ANKRD55: variants seen among roughly 807,000 people sequenced by gnomAD.
ANKRD55 encodes ankyrin repeat domain-containing protein 55.
A neutral mutation model predicts 60.6 loss-of-function variants in ANKRD55; 41 were observed. The ratio of observed to expected loss-of-function variants is 0.68; its 90% CI spans 0.53 to 0.88. The LOEUF is 0.88. Ranked by LOEUF, ANKRD55 falls within the 40% of genes least tolerant of loss-of-function variation. The pLI, the probability that ANKRD55 is intolerant of heterozygous loss-of-function variation, is 0.00. For missense variants in ANKRD55, 732 were observed against 767.6 expected (o/e 0.95, Z 0.55); for synonymous variants, 264 against 290.3 (o/e 0.91, Z 0.92).
chr5:56,175,948 T>C (rs188492682), intron 4 of ANKRD55, among the ~76,000 whole-genome samples: 1 of 152,260 alleles, frequency 6.6e-6, no homozygotes, highest in Non-Finnish European at 1.5e-5. Flanking sequence ...AGAGGATTGT[T>C]AGGAAGATCC....
At chr5:56,217,043 C>T (rs1214399273) in intron 2 of ANKRD55, among the ~76,000 whole-genome samples, 1 of 152,212 alleles carries the variant, frequency 6.6e-6, no homozygotes. Flanking sequence ...TCAAAGGACT[C>T]TTGTTAGGGG....
intron 5 of ANKRD55, among the ~76,000 whole-genome samples, chr5:56,166,142 C>CTTTCTTTCTTTCTTTCTTTCTTTT: frequency 1.1e-5 from 1 of 93,618 alleles, no homozygotes; most frequent in East Asian, 3.5e-4. Context: ...TTCTTTCTTT[C>CTTTCTTTCTTTCTTTCTTTCTTTT]TTTCTTTCTT....
chr5:56,163,553 C>T (rs942800816), intron 5 of ANKRD55, among the ~76,000 whole-genome samples: 3 of 152,090 alleles, frequency 2.0e-5, no homozygotes, highest in African/African-American at 7.2e-5. Flanking sequence ...AGGCTTGGAC[C>T]CCAGCAAGAG....
chr5:56,109,880 T>C (rs1023020576), intron 10 of ANKRD55, among the ~76,000 whole-genome samples: 1 of 151,984 alleles, frequency 6.6e-6, no homozygotes, highest in Admixed American at 6.6e-5. Flanking sequence ...TAGCTGGGTG[T>C]GGTGGCATAT....
chr5:56,170,186 C>G (rs913966130), intron 5 of ANKRD55, among the ~76,000 whole-genome samples: 1 of 152,180 alleles, frequency 6.6e-6, no homozygotes, highest in Non-Finnish European at 1.5e-5. Context: ...AGACATTAAC[C>G]TTTCTGCCCA....
At chr5:56,113,710 G>A (rs1279681082) in intron 9 of ANKRD55, among the ~76,000 whole-genome samples, 2 of 152,128 alleles carry the variant, frequency 1.3e-5, no homozygotes, top group Non-Finnish European at 2.9e-5. Context: ...GGGGGAATGG[G>A]AGGTGTAGGT....
intron 2 of ANKRD55, among the ~76,000 whole-genome samples, chr5:56,227,194 T>C (rs964882763): frequency 8.6e-5 from 13 of 152,004 alleles, no homozygotes; most frequent in African/African-American, 2.9e-4. Flanking sequence ...TGTAAGGACA[T>C]GGATGAAGCT....
intron 2 of ANKRD55, among the ~76,000 whole-genome samples, chr5:56,227,141 T>C (rs1029742532): frequency 3.9e-5 from 6 of 152,082 alleles, no homozygotes; most frequent in Non-Finnish European, 5.9e-5. Context: ...GTATACACCA[T>C]GGAATACTAT....
intron 2 of ANKRD55, among the ~76,000 whole-genome samples, chr5:56,198,128 T>C (rs770851957): frequency 2.6e-4 from 39 of 152,294 alleles, no homozygotes; most frequent in African/African-American, 7.7e-4. Context: ...CTGTTAATAG[T>C]GACTAAAATT....
chr5:56,196,341 T>C (rs1324338519), intron 2 of ANKRD55, among the ~76,000 whole-genome samples: 3 of 152,224 alleles, frequency 2.0e-5, no homozygotes, highest in African/African-American at 7.2e-5. Context: ...TTTAAGTGAA[T>C]AAAAAATTTG....
At chr5:56,115,536 C>A (rs1756862040) in intron 9 of ANKRD55, among the ~76,000 whole-genome samples, 1 of 151,748 alleles carries the variant, frequency 6.6e-6, no homozygotes, top group East Asian at 1.9e-4. Context: ...CCAGGCTGGT[C>A]TAGCTGAACT....
At chr5:56,232,723 C>T (rs1240641568) in intron 2 of ANKRD55, 133 bp downstream of exon 2, 9 of 805,492 alleles carry the variant, frequency 1.1e-5, no homozygotes, top group South Asian at 1.7e-5. Context: ...ATAGCAAATA[C>T]TCATGCACAC....
At chr5:56,228,207 G>A (rs1390092515) in intron 2 of ANKRD55, among the ~76,000 whole-genome samples, 2 of 152,226 alleles carry the variant, frequency 1.3e-5, no homozygotes, top group East Asian at 3.9e-4. Context: ...GAGAGGAGGA[G>A]TTTATCCTGG....
At chr5:56,120,200 C>T (rs867447515) in intron 8 of ANKRD55, among the ~76,000 whole-genome samples, 4 of 152,068 alleles carry the variant, frequency 2.6e-5, no homozygotes, top group African/African-American at 9.7e-5. Context: ...CCACACCCAG[C>T]TAATTTTTGT....
rs1411646525 is a variant in ANKRD55 at position 56,166,193 on chromosome 5, CCTTCCT to C, written c.422+4495_422+4500del. 8.6e-5 allele frequency among the ~76,000 whole-genome samples: 10 copies of C among 116,188 alleles called. 2 individuals are homozygous for C. The highest frequency in any genetic ancestry group is 3.5e-4 in the African/African-American group (8 of 23,108). The allele number at this position is 116,188 out of a possible 152,430, so 76.2% of individuals were successfully genotyped here. A position where few individuals can be genotyped will look rare whatever the true frequency, so the allele number is the denominator to read the frequency against. On this transcript the variant is annotated intron_variant, in intron 5 of 11. Transcript: ENST00000341048. ...TCCTTCCTTCCTTCCTTCCTTCCTT[CCTTCCT>C]TCTCTCTCTCTCTCTCTCTTTCTTT... is the stretch of plus-strand genomic sequence containing the variant.
At chr5:56,224,285 C>T (rs1458297162) in intron 2 of ANKRD55, among the ~76,000 whole-genome samples, 1 of 151,374 alleles carries the variant, frequency 6.6e-6, no homozygotes, top group African/African-American at 2.4e-5. Flanking sequence ...TTCTTTGAAA[C>T]TGATGAGAAC....
At chr5:56,136,336 A>G (rs894900712) in intron 7 of ANKRD55, among the ~76,000 whole-genome samples, 1 of 152,246 alleles carries the variant, frequency 6.6e-6, no homozygotes, top group Non-Finnish European at 1.5e-5. Flanking sequence ...TGGGTGACTG[A>G]CACTACTCAA....
intron 2 of ANKRD55, among the ~76,000 whole-genome samples, chr5:56,228,585 C>A (rs1193675789): frequency 6.6e-6 from 1 of 152,034 alleles, no homozygotes; most frequent in African/African-American, 2.4e-5. Context: ...GACACCACAT[C>A]CAGCTAATTT....
At chr5:56,206,740 A>G (rs1172703719) in intron 2 of ANKRD55, among the ~76,000 whole-genome samples, 2 of 152,218 alleles carry the variant, frequency 1.3e-5, no homozygotes, top group African/African-American at 4.8e-5. Flanking sequence ...TGACTAACCC[A>G]AAGGCCACAA....
Sources: allele counts gnomAD v4.1 joint callset (sites outside exome capture counted in the v4.1 genomes callset), GRCh38; gene constraint gnomAD v4.1.1; transcripts MANE v1.5; gene names NCBI Gene and HGNC (gene_info 2026-07-23, HGNC 2026-07-21).